The following HHLA1 variants were observed in gnomAD, a reference collection of about 807,000 sequenced individuals.
HHLA1 encodes the protein HERV-H LTR-associating protein 1.
In HHLA1, 72 loss-of-function variants were observed where a neutral mutation model predicts 69.9. The observed-to-expected ratio is 1.03, with a 90% CI of 0.85 to 1.25. The LOEUF is 1.25. HHLA1 is among the 50% of genes most tolerant of loss of function. HHLA1 has a pLI of 0.00. For synonymous variants in HHLA1, 252 were observed against 233.2 expected (o/e 1.08, Z -0.73); for missense variants, 685 against 642.2 (o/e 1.07, Z -0.72).
At position 132,071,471 on chromosome 8, in the gene HHLA1, C is replaced by G. The variant is rs781061500; in HGVS notation, c.1338G>C (p.Lys446Asn). ...GAGGAGCAGCTGCCATAGCTCCCAC[C>G]TTGAAGAGTGGCTGAGGACACCCTA... Reference protein sequence around the residue: ...QVSRCPQPLFKVGAMAAAPLT... With the variant: ...QVSRCPQPLFNVGAMAAAPLT... The change falls in exon 15 of 17, where the codon AAG (lysine) becomes AAC (asparagine). Residue 446 changes from lysine (K) to asparagine (N), a missense_variant. Physicochemically the swap from Lys to Asn is moderately conservative, Grantham distance 94. Transcript: ENST00000414222. 9 of 1,551,464 alleles carry G rather than the reference C, an allele frequency of 5.8e-6. No homozygotes were observed. In the East Asian group the frequency reaches 2.2e-4, roughly 38 times the overall value.
chr8:132,076,627 C>T, intron 12 of HHLA1, 84 bp from the exon 13 acceptor site: 2 of 842,558 alleles, frequency 2.4e-6, no homozygotes, highest in Non-Finnish European at 3.5e-6. Flanking sequence ...CCTATCCTGC[C>T]CTATCCAACC....
In HHLA1 at chr8:132,062,674, G is replaced by A. The variant is rs926731531; in HGVS notation, c.*1321C>T. On this transcript the variant is annotated 3_prime_UTR_variant, in exon 17 of 17. Coordinates refer to ENST00000414222, the MANE Select transcript of HHLA1 (RefSeq NM_001145095.3). Reference sequence around the variant, plus strand: ...GAGACTCAGCATAGATAGGGATACTGGAGCAACCGCAAACCTGAATATAGT... The same window carrying A: ...GAGACTCAGCATAGATAGGGATACTAGAGCAACCGCAAACCTGAATATAGT... The A allele has an allele frequency of 1.3e-5, 2 of 152,178 alleles. No individual in the cohort carries two copies. Among genetic ancestry groups the A allele is most frequent in the East Asian group, 1.9e-4 (1 of 5,200 alleles). 9.4% of individuals were successfully genotyped at this position (152,178 alleles called of 1,614,324 possible). A position where few individuals can be genotyped will look rare whatever the true frequency, so the allele number is the denominator to read the frequency against.
chr8:132,077,776 G>A lies in HHLA1; in HGVS notation c.1121C>T (p.Ala374Val), dbSNP rs1370316483. ...GCTGCCAGGTGTGGCCATTATCTCA[G>A]CAGCAGGCGCCAAAAGGCTTGTAGT... ...MNTTSLLAPA[A>V]EIMATPGSPS... Residue 374 changes from alanine (A) to valine (V), a missense_variant, in exon 12 of 17, where the codon GCT (alanine) becomes GTT (valine). Ala to Val is a moderately conservative substitution (Grantham distance 64, BLOSUM62 0). Transcript: ENST00000414222. 2 of 1,551,582 alleles carry A rather than the reference G, an allele frequency of 1.3e-6. No individual in the cohort carries two copies. The highest frequency in any genetic ancestry group is 1.7e-6 in the Non-Finnish European group (2 of 1,146,992).
At chr8:132,094,393 C>T (rs1823989309) in intron 7 of HHLA1, among the ~76,000 whole-genome samples, 1 of 152,158 alleles carries the variant, frequency 6.6e-6, no homozygotes, top group East Asian at 1.9e-4. Context: ...AGACCTTAAA[C>T]TTCTATATGA....
chr8:132,100,738 G>A (rs182085243), intron 3 of HHLA1, among the ~76,000 whole-genome samples: 83 of 152,304 alleles, frequency 5.4e-4, no homozygotes, highest in African/African-American at 1.9e-3. Flanking sequence ...TGGTCAGGGA[G>A]GAGGAGACTC....
chr8:132,101,080 T>C, intron 3 of HHLA1: 1 of 1,329,776 alleles, frequency 7.5e-7, no homozygotes, highest in Non-Finnish European at 9.9e-7. Context: ...ACATGTAACA[T>C]GAAAAATGAC....
At chr8:132,100,819 G>A (rs767898472) in intron 3 of HHLA1, among the ~76,000 whole-genome samples, 48 of 152,188 alleles carry the variant, frequency 3.2e-4, no homozygotes, top group Non-Finnish European at 5.9e-4. Flanking sequence ...GTCAGGGGAT[G>A]GAGAAGGCCT....
Position 132,061,877 on chromosome 8 carries a change from C to G in HHLA1, c.*2118G>C, listed in dbSNP as rs1001876413. 6.6e-6 allele frequency: 1 copy of G among 152,198 alleles called. No homozygotes were observed. The highest frequency in any genetic ancestry group is 2.4e-5 in the African/African-American group (1 of 41,438). 9.4% of individuals were successfully genotyped at this position (152,198 alleles called of 1,614,324 possible). A position where few individuals can be genotyped will look rare whatever the true frequency, so the allele number is the denominator to read the frequency against. On this transcript the variant is annotated 3_prime_UTR_variant, in exon 17 of 17. Transcript: ENST00000414222. The stretch of plus-strand genomic sequence containing the variant: ...CTTTGTCCTTGATGCTAGGCCAGAT[C>G]CTTGCATAAGCCTCAGAGGTATTCC...
chr8:132,076,509 T>C lies in HHLA1; in HGVS notation c.1206A>G (p.Pro402=). 6.5e-7 allele frequency: 1 copy of C among 1,529,146 alleles called. No homozygotes were observed. The highest frequency in any genetic ancestry group is 2.5e-5 in the East Asian group (1 of 39,422). 94.7% of individuals were successfully genotyped at this position (1,529,146 alleles called of 1,614,324 possible). The change falls in exon 13 of 17, where the codon CCA becomes CCG. Residue 402 remains proline (P), a synonymous_variant. Coordinates refer to ENST00000414222, the MANE Select transcript of HHLA1 (RefSeq NM_001145095.3). ...GATATCTGGGGGCTGTTGCCTTGGTTGGACTCGGAGTCTGTGTGCCATGGG... is the reference window on the plus strand; with the variant it reads ...GATATCTGGGGGCTGTTGCCTTGGTCGGACTCGGAGTCTGTGTGCCATGGG... ...AFTHGTQTPS[P]TKATAPRYPQ...
rs1308272366 is a variant in HHLA1, at chr8:132,077,716, C to A, written c.1171+10G>T. ...AAACGGGAGAGGTAGAAGTGAGCACCCTCTCTTACCCAAGGTAGGGCTGGC... is the reference window on the plus strand; with the variant it reads ...AAACGGGAGAGGTAGAAGTGAGCACACTCTCTTACCCAAGGTAGGGCTGGC... On this transcript the variant is annotated intron_variant, in intron 12 of 16. Transcript: ENST00000414222. 5.2e-6 allele frequency: 8 copies of A among 1,550,286 alleles called. No individual in the cohort carries two copies. The African/African-American group carries it at 1.1e-4, about 21-fold the overall frequency.
rs1272781213 is a variant in HHLA1 at position 132,071,466 on chromosome 8, C to T, written c.1343G>A (p.Gly448Glu). 2 of 1,551,510 alleles carry T rather than the reference C, an allele frequency of 1.3e-6. No homozygotes were observed. Among genetic ancestry groups the T allele is most frequent in the Non-Finnish European group, 1.7e-6 (2 of 1,146,940 alleles). Residue 448 changes from glycine (G) to glutamate (E), a missense_variant, in exon 15 of 17, where the codon GGA becomes GAA. Gly to Glu is a moderately conservative substitution (Grantham distance 98). Transcript: ENST00000414222. ...SRCPQPLFKV[G>E]AMAAAPLTLA... ...GGTGAGAGGAGCAGCTGCCATAGCT[C>T]CCACCTTGAAGAGTGGCTGAGGACA...
At chr8:132,073,885 T>C (rs2130878988) in intron 14 of HHLA1, among the ~76,000 whole-genome samples, 1 of 152,312 alleles carries the variant, frequency 6.6e-6, no homozygotes, top group East Asian at 1.9e-4. Context: ...CACCTCTACT[T>C]TCCAGTCACC....
At chr8:132,064,226 A>G (rs1398539191) in intron 16 of HHLA1, among the ~76,000 whole-genome samples, 188 bp from the exon 17 acceptor site, 1 of 152,184 alleles carries the variant, frequency 6.6e-6, no homozygotes, top group Admixed American at 6.5e-5. Context: ...GCAAGACCCC[A>G]TTGCTAGTTA....
intron 7 of HHLA1, 107 bp downstream of exon 7, chr8:132,095,412 G>C (rs898303935): frequency 5.7e-6 from 4 of 698,232 alleles, no homozygotes. Flanking sequence ...AAGGGTAGTG[G>C]ATAGGACCAT....
At chr8:132,098,285 T>C (rs1277007825) in intron 5 of HHLA1, among the ~76,000 whole-genome samples, 1 of 152,174 alleles carries the variant, frequency 6.6e-6, no homozygotes, top group Non-Finnish European at 1.5e-5. Context: ...AATAATATTG[T>C]CTTAAAAAAA....
intron 14 of HHLA1, among the ~76,000 whole-genome samples, chr8:132,074,527 C>G (rs1823601974): frequency 6.6e-6 from 1 of 152,172 alleles, no homozygotes; most frequent in African/African-American, 2.4e-5. Context: ...AGCATAGTAC[C>G]TGGCAGTACA....
intron 3 of HHLA1, among the ~76,000 whole-genome samples, chr8:132,101,528 A>T (rs9656991): frequency 0.59 from 89,326 of 151,722 alleles, 26,384 homozygotes; most frequent in Admixed American, 0.63. Flanking sequence ...TTAATTTATT[A>T]AAATTCATTT....
chr8:132,098,942 C>A lies in HHLA1; in HGVS notation c.220G>T (p.Asp74Tyr), dbSNP rs1329411009. ...TCTGTCAGGTTAAGCGCGGACAGAT[C>A]GATTGACCTTGCGGGCAGCTCTGAA... ...ATTELPARSI[D>Y]LSALNLTELV... Residue 74 changes from aspartate (D) to tyrosine (Y), a missense_variant, in exon 5 of 17, where the codon GAT (aspartate) becomes TAT (tyrosine). Transcript: ENST00000414222. 6.4e-7 allele frequency: 1 copy of A among 1,550,556 alleles called. No individual in the cohort carries two copies. Among genetic ancestry groups the A allele is most frequent in the Non-Finnish European group, 8.7e-7 (1 of 1,146,226 alleles).
chr8:132,108,814 G>T (rs781422819), intron 1 of HHLA1, among the ~76,000 whole-genome samples: 1 of 152,086 alleles, frequency 6.6e-6, no homozygotes. Context: ...TGCTGAGTGG[G>T]CACACAAACC....
Sources: allele counts gnomAD v4.1 joint callset (sites outside exome capture counted in the v4.1 genomes callset), GRCh38; gene constraint gnomAD v4.1.1; transcripts MANE v1.5; gene names NCBI Gene and HGNC (gene_info 2026-07-23, HGNC 2026-07-21).